The following HS3ST5 variants were observed in gnomAD, a reference collection of about 807,000 sequenced individuals.
HS3ST5 encodes the protein heparan sulfate-glucosamine 3-sulfotransferase 5.
In HS3ST5, 10 loss-of-function variants were observed where a neutral mutation model predicts 25.4. That is an observed-to-expected ratio of 0.39 (90% confidence interval 0.24 to 0.67). The LOEUF (loss-of-function observed/expected upper bound fraction) is 0.67. HS3ST5 is among the 30% of genes least tolerant of loss of function. The pLI is 0.44. For missense variants in HS3ST5, 324 were observed against 420.7 expected (o/e 0.77, Z 2.01); for synonymous variants, 170 against 162.4 (o/e 1.05, Z -0.36).
intron 1 of HS3ST5, among the ~76,000 whole-genome samples, chr6:114,264,983 G>A (rs1263571539): frequency 6.6e-6 from 1 of 152,144 alleles, no homozygotes. Context: ...GGGCTCAAGT[G>A]ATCCTGTTGC....
chr6:114,154,898 G>C (rs1317400665), intron 3 of HS3ST5, among the ~76,000 whole-genome samples: 1 of 152,040 alleles, frequency 6.6e-6, no homozygotes, highest in Non-Finnish European at 1.5e-5. Context: ...CCCATCATCT[G>C]GGCATCTTCT....
chr6:114,290,903 A>T (rs999840966), intron 1 of HS3ST5, among the ~76,000 whole-genome samples: 3 of 151,964 alleles, frequency 2.0e-5, no homozygotes, highest in African/African-American at 7.3e-5. Context: ...GTTGTAAACA[A>T]TCTATTATTT....
At chr6:114,100,821 C>G (rs1388598243) in intron 3 of HS3ST5, among the ~76,000 whole-genome samples, 7 of 152,204 alleles carry the variant, frequency 4.6e-5, no homozygotes, top group Non-Finnish European at 8.8e-5. Flanking sequence ...AAAGCTGACA[C>G]TATGCCAGGC....
intron 3 of HS3ST5, among the ~76,000 whole-genome samples, chr6:114,121,440 T>G (rs1318236298): frequency 6.6e-6 from 1 of 152,144 alleles, no homozygotes; most frequent in Non-Finnish European, 1.5e-5. Flanking sequence ...TTACATATTT[T>G]TTGCATTAAA....
At chr6:114,311,539 CTTTTTTTTT>C (rs11463610) in intron 1 of HS3ST5, among the ~76,000 whole-genome samples, 1 of 84,880 alleles carries the variant, frequency 1.2e-5, no homozygotes, top group Non-Finnish European at 2.1e-5. Flanking sequence ...TTCTCTCTCT[CTTTTTTTTT>C]TTTTTTTTTT....
intron 2 of HS3ST5, among the ~76,000 whole-genome samples, chr6:114,219,017 A>G (rs925983): frequency 0.42 from 63,810 of 152,010 alleles, 14,513 homozygotes; most frequent in South Asian, 0.65. Context: ...GTTACCCGTA[A>G]AGTGGTTAAG....
At chr6:114,322,367 C>G (rs932304502) in intron 1 of HS3ST5, among the ~76,000 whole-genome samples, 1 of 152,060 alleles carries the variant, frequency 6.6e-6, no homozygotes, top group Admixed American at 6.6e-5. Context: ...TCTGCACAAC[C>G]TTTCCTAATC....
At chr6:114,261,488 G>A (rs1773169403) in intron 1 of HS3ST5, among the ~76,000 whole-genome samples, 1 of 152,118 alleles carries the variant, frequency 6.6e-6, no homozygotes, top group Non-Finnish European at 1.5e-5. Flanking sequence ...AGTATGGTCT[G>A]AATATTAAAG....
At chr6:114,341,222 G>GGGGAGAGAGAGA (rs1776839835) in intron 1 of HS3ST5, among the ~76,000 whole-genome samples, 5 of 46,636 alleles carry the variant, frequency 1.1e-4, no homozygotes, top group African/African-American at 6.2e-4. Flanking sequence ...GGAGAGAGGG[G>GGGGAGAGAGAGA]GAGAGAGAGA....
Position 114,056,952 on chromosome 6 carries a change from C to A in HS3ST5, c.*305G>T. 1 of 254,268 alleles carries A rather than the reference C, an allele frequency of 3.9e-6. No individual in the cohort carries two copies. The highest frequency in any genetic ancestry group is 7.4e-5 in the East Asian group (1 of 13,548). 15.8% of individuals were successfully genotyped at this position (254,268 alleles called of 1,614,324 possible). ...TTAAATCTATGAAAATGGCGGGTGA[C>A]AAATTCTGAATCAAAGGAAGACTAA... is the stretch of plus-strand genomic sequence containing the variant. On this transcript the variant is annotated 3_prime_UTR_variant, in exon 5 of 5. Coordinates refer to ENST00000312719, the MANE Select transcript of HS3ST5 (RefSeq NM_153612.4).
intron 1 of HS3ST5, among the ~76,000 whole-genome samples, chr6:114,323,673 G>C (rs1490146319): frequency 6.6e-6 from 1 of 152,120 alleles, no homozygotes; most frequent in East Asian, 1.9e-4. Context: ...TATGGTATAT[G>C]ATGTGGCATA....
At chr6:114,337,347 T>C (rs1776649787) in intron 1 of HS3ST5, among the ~76,000 whole-genome samples, 1 of 152,224 alleles carries the variant, frequency 6.6e-6, no homozygotes. Flanking sequence ...CTGAGCAGAA[T>C]AAGTCTTCTC....
chr6:114,077,521 G>A (rs188864569), intron 3 of HS3ST5, among the ~76,000 whole-genome samples: 2 of 152,280 alleles, frequency 1.3e-5, no homozygotes, highest in East Asian at 3.9e-4. Flanking sequence ...GTGTGAGTTG[G>A]AGAGGTAACA....
intron 2 of HS3ST5, among the ~76,000 whole-genome samples, chr6:114,197,349 C>A (rs1335232647): frequency 6.6e-6 from 1 of 152,102 alleles, no homozygotes; most frequent in Non-Finnish European, 1.5e-5. Flanking sequence ...GTTTTGATGA[C>A]TTCCCATATA....
At chr6:114,139,609 C>A (rs113295216) in intron 3 of HS3ST5, among the ~76,000 whole-genome samples, 3 of 152,076 alleles carry the variant, frequency 2.0e-5, no homozygotes, top group African/African-American at 7.2e-5. Context: ...AAGATTTATC[C>A]CCTATTACTT....
intron 2 of HS3ST5, among the ~76,000 whole-genome samples, chr6:114,195,170 G>C (rs1245065539): frequency 6.6e-6 from 1 of 152,194 alleles, no homozygotes; most frequent in East Asian, 1.9e-4. Context: ...GATGTCAGCA[G>C]ATTTAGAGGG....
intron 1 of HS3ST5, among the ~76,000 whole-genome samples, chr6:114,313,592 A>G (rs1447220458): frequency 2.0e-5 from 3 of 152,216 alleles, no homozygotes; most frequent in South Asian, 4.1e-4. Context: ...ATGACGTTCT[A>G]GAACAGGCAA....
At position 114,303,462 on chromosome 6, in the gene HS3ST5, A is replaced by AT. The variant is rs11324031; in HGVS notation, c.-339+38732dup. Among the ~76,000 whole-genome samples the AT allele has an allele frequency of 1.4e-3, 214 of 149,026 alleles. 2 individuals are homozygous for AT. Among genetic ancestry groups the AT allele is most frequent in the Admixed American group, 0.011 (170 of 14,856 alleles). ...GCAAAATATATCATACTGTGTTTGC[A>AT]TTTTTTTTTTTCTGGGCAGAGTGAC... On this transcript the variant is annotated intron_variant, in intron 1 of 4. Transcript: ENST00000312719.
At chr6:114,172,236 C>T (rs1359248379) in intron 2 of HS3ST5, among the ~76,000 whole-genome samples, 2 of 152,230 alleles carry the variant, frequency 1.3e-5, no homozygotes, top group Non-Finnish European at 2.9e-5. Flanking sequence ...TTAAGCTACA[C>T]TGTATCTCAA....
Sources: gnomAD v4.1 joint callset for allele counts (sites outside exome capture counted in the v4.1 genomes callset) on GRCh38, gnomAD v4.1.1 for gene constraint, MANE v1.5 for transcripts, NCBI Gene and HGNC (gene_info 2026-07-23, HGNC 2026-07-21) for gene names.